Variants in ZNF704 observed in about 807,000 individuals in gnomAD.
ZNF704 encodes glucocorticoid induced gene 1.
ZNF704 carries 10 observed loss-of-function variants against 44.7 expected under a neutral mutation model. That is an observed-to-expected ratio of 0.22 (90% CI 0.14 to 0.38). The LOEUF is 0.38. Among genes scored for constraint, ZNF704 ranks in the 10% least tolerant of loss-of-function variants. ZNF704 has a pLI of 1.00. For missense variants in ZNF704, 390 were observed against 545.5 expected (o/e 0.71, Z 2.84); for synonymous variants, 211 against 207.6 (o/e 1.02, Z -0.14).
At chr8:80,811,391 C>A (rs1213621046) in intron 2 of ZNF704, among the ~76,000 whole-genome samples, 1 of 152,062 alleles carries the variant, frequency 6.6e-6, no homozygotes, top group Non-Finnish European at 1.5e-5. Context: ...AGAATGTCAA[C>A]AAAAGAGCTA....
chr8:80,650,879 C>T (rs532957664), intron 7 of ZNF704, among the ~76,000 whole-genome samples: 5 of 152,002 alleles, frequency 3.3e-5, no homozygotes, highest in African/African-American at 9.6e-5. Context: ...TTCACCAAAG[C>T]TGAAATGAAG....
rs967482575 is a variant in ZNF704, at chr8:80,767,821, C to A, written c.221+53553G>T. On this transcript the variant is annotated intron_variant, in intron 2 of 8. Transcript: ENST00000327835. ...TATTAAAATTACCTTCTCCTTGAAA[C>A]CCTCTATAACTAAGGTCATCAACCC... 3.9e-5 allele frequency among the ~76,000 whole-genome samples: 6 copies of A among 152,152 alleles called. No homozygotes were observed. In the South Asian group the frequency reaches 8.3e-4, roughly 21 times the overall value.
intron 4 of ZNF704, among the ~76,000 whole-genome samples, chr8:80,670,883 G>T (rs1484292960): frequency 4.6e-5 from 7 of 152,178 alleles, no homozygotes; most frequent in South Asian, 2.1e-4. Context: ...CTAAACAGTG[G>T]ATAACATTCA....
At chr8:80,673,276 T>A (rs1818311482) in intron 4 of ZNF704, 1 of 152,234 alleles carries the variant, frequency 6.6e-6, no homozygotes, top group Admixed American at 6.5e-5. Context: ...GATCTGTGGA[T>A]TCCAGGTTAA....
At chr8:80,803,011 A>G (rs767239887) in intron 2 of ZNF704, among the ~76,000 whole-genome samples, 12 of 152,186 alleles carry the variant, frequency 7.9e-5, no homozygotes, top group Non-Finnish European at 1.6e-4. Flanking sequence ...AAAAAAATCA[A>G]CGTGCAAAAA....
In ZNF704 at chr8:80,629,070, C is replaced by T. The variant is rs1234199088; in HGVS notation, c.*12296G>A. On this transcript the variant is annotated 3_prime_UTR_variant, in exon 9 of 9. Coordinates refer to ENST00000327835, the MANE Select transcript of ZNF704 (RefSeq NM_001033723.3). ...CATTTTTTTTTTTAAAAAACGAACA[C>T]ACAAAGTCCAAAACAATGGAAAGCA... 6.6e-6 allele frequency: 1 copy of T among 151,604 alleles called. No homozygotes were observed. The highest frequency in any genetic ancestry group is 1.5e-5 in the Non-Finnish European group (1 of 67,946). 9.4% of individuals were successfully genotyped at this position (151,604 alleles called of 1,614,324 possible). A position where few individuals can be genotyped will look rare whatever the true frequency, so the allele number is the denominator to read the frequency against.
intron 2 of ZNF704, among the ~76,000 whole-genome samples, chr8:80,737,488 C>T (rs1806686583): frequency 1.3e-5 from 2 of 152,162 alleles, no homozygotes; most frequent in African/African-American, 4.8e-5. Flanking sequence ...AGCTGGCTTC[C>T]TCCAGAGCAA....
chr8:80,816,722 T>G (rs938112088), intron 2 of ZNF704, among the ~76,000 whole-genome samples: 1 of 152,184 alleles, frequency 6.6e-6, no homozygotes, highest in Non-Finnish European at 1.5e-5. Context: ...TGATAAATCT[T>G]TAATTCTAAA....
intron 2 of ZNF704, among the ~76,000 whole-genome samples, chr8:80,803,614 G>C (rs531203063): frequency 6.6e-6 from 1 of 152,304 alleles, no homozygotes; most frequent in Admixed American, 6.5e-5. Context: ...ATGGTGCTGG[G>C]AGAACTGGCT....
intron 2 of ZNF704, among the ~76,000 whole-genome samples, chr8:80,756,620 A>G (rs926226827): frequency 1.3e-5 from 2 of 152,228 alleles, no homozygotes; most frequent in African/African-American, 4.8e-5. Flanking sequence ...TGGTTTAACA[A>G]CCTAAAGAAC....
intron 2 of ZNF704, among the ~76,000 whole-genome samples, chr8:80,729,707 G>A (rs959706132): frequency 6.6e-6 from 1 of 152,180 alleles, no homozygotes; most frequent in East Asian, 1.9e-4. Context: ...ATGCTGACTG[G>A]CTGGCAGGTA....
chr8:80,799,431 G>A (rs928000855), intron 2 of ZNF704, among the ~76,000 whole-genome samples: 12 of 152,066 alleles, frequency 7.9e-5, no homozygotes, highest in Admixed American at 5.9e-4. Flanking sequence ...TTTCTTCATT[G>A]TCCAGGTAGA....
Position 80,714,229 on chromosome 8 carries a change from A to G in ZNF704, c.222-21122T>C, listed in dbSNP as rs1172192825. Reference sequence around the variant, plus strand: ...TCCTGACTCTTGATCATCTCTTGAGATGAAAGTCTATCAATACTGATGAAA... The same window carrying G: ...TCCTGACTCTTGATCATCTCTTGAGGTGAAAGTCTATCAATACTGATGAAA... On this transcript the variant is annotated intron_variant, in intron 2 of 8. Transcript: ENST00000327835. Among the ~76,000 whole-genome samples, 4 of 152,318 alleles carry G rather than the reference A, an allele frequency of 2.6e-5. No individual in the cohort carries two copies. The East Asian group carries it at 7.7e-4, about 29-fold the overall frequency.
At chr8:80,869,267 G>A (rs1044063461) in intron 1 of ZNF704, among the ~76,000 whole-genome samples, 3 of 152,216 alleles carry the variant, frequency 2.0e-5, no homozygotes, top group Non-Finnish European at 2.9e-5. Flanking sequence ...TACCCAGACA[G>A]ACTACTTGAA....
intron 1 of ZNF704, among the ~76,000 whole-genome samples, chr8:80,851,804 A>C (rs1363724442): frequency 6.6e-6 from 1 of 152,228 alleles, no homozygotes; most frequent in Admixed American, 6.5e-5. Context: ...TTACTGGCCG[A>C]AACATTGTTA....
Position 80,804,964 on chromosome 8 carries a change from C to T in ZNF704, c.221+16410G>A, listed in dbSNP as rs572363793. Among the ~76,000 whole-genome samples the T allele has an allele frequency of 2.6e-5, 4 of 152,172 alleles. No individual in the cohort carries two copies. In the South Asian group the frequency reaches 8.3e-4, roughly 32 times the overall value. On this transcript the variant is annotated intron_variant, in intron 2 of 8. Transcript: ENST00000327835. ...ATACTACTTGATTTTTCTATTAATT[C>T]CTTATTTCTAATCATCATTGCAGAC...
intron 2 of ZNF704, among the ~76,000 whole-genome samples, chr8:80,760,131 T>C (rs1431859701): frequency 1.3e-5 from 2 of 152,188 alleles, no homozygotes; most frequent in African/African-American, 2.4e-5. Context: ...TGTGCCCCTA[T>C]TCCTGACCCA....
intron 2 of ZNF704, chr8:80,749,622 T>C (rs937481358): frequency 6.5e-6 from 1 of 153,248 alleles, no homozygotes; most frequent in Non-Finnish European, 1.5e-5. Flanking sequence ...TTCCAAAATC[T>C]CTTGATGTTT....
At chr8:80,800,914 C>T (rs1807888635) in intron 2 of ZNF704, among the ~76,000 whole-genome samples, 1 of 151,916 alleles carries the variant, frequency 6.6e-6, no homozygotes, top group Non-Finnish European at 1.5e-5. Context: ...GTTCAAGAGA[C>T]CCATCTCAAG....
Sources: gnomAD v4.1 joint callset for allele counts (sites outside exome capture counted in the v4.1 genomes callset) on GRCh38, gnomAD v4.1.1 for gene constraint, MANE v1.5 for transcripts, NCBI Gene and HGNC (gene_info 2026-07-23, HGNC 2026-07-21) for gene names.